The following TENM1 variants were observed in gnomAD, a reference collection of about 807,000 sequenced individuals.
The protein encoded by TENM1 is teneurin transmembrane protein 1, also known as teneurin-1.
A neutral mutation model predicts 174.8 loss-of-function variants in TENM1; 35 were observed. That is an observed-to-expected ratio of 0.20 (90% CI 0.15 to 0.27). The LOEUF is 0.27. TENM1 is among the 10% of genes least tolerant of loss of function. The probability of loss-of-function intolerance (pLI) is 1.00; values close to 1 mark genes in which losing one functional copy is unlikely to be tolerated. For missense variants in TENM1, 1,633 were observed against 2,130.1 expected, an observed-to-expected ratio of 0.77 and a Z score of 4.59; for synonymous variants, 781 against 798.7, an observed-to-expected ratio of 0.98 and a Z score of 0.37.
intron 3 of TENM1, among the ~76,000 whole-genome samples, chrX:124,877,605 A>C (rs2057228546): frequency 8.9e-6 from 1 of 111,830 alleles, no homozygotes; most frequent in Middle Eastern, 4.6e-3. Flanking sequence ...TATCTATCAG[A>C]GTGCATTCAA....
intron 23 of TENM1, among the ~76,000 whole-genome samples, chrX:124,447,208 G>A (rs1460819596): frequency 9.0e-6 from 1 of 111,510 alleles, no homozygotes; most frequent in East Asian, 2.8e-4. Flanking sequence ...ATGTTCTTAA[G>A]TACAGTCATG....
intron 23 of TENM1, among the ~76,000 whole-genome samples, chrX:124,445,608 T>C (rs2060957319): frequency 8.9e-6 from 1 of 112,486 alleles, no homozygotes; most frequent in Non-Finnish European, 1.9e-5. Flanking sequence ...TAAGCACTTA[T>C]GAAGCCCTGG....
At chrX:124,610,359 T>C (rs1203596905) in intron 11 of TENM1, among the ~76,000 whole-genome samples, 1 of 112,269 alleles carries the variant, frequency 8.9e-6, no homozygotes, top group Non-Finnish European at 1.9e-5. Context: ...CCTTTGAACA[T>C]ACGAAGTCAC....
chrX:124,645,107 A>G lies in TENM1; in HGVS notation c.1876+36T>C, dbSNP rs371103359. 98 of 1,175,024 alleles carry G rather than the reference A, an allele frequency of 8.3e-5. 2 individuals carry two copies. In the East Asian group the frequency reaches 1.2e-3, roughly 14 times the overall value. ...ACACCTTGGACAACTGAGTGAGAGA[A>G]AAGCCTGAAGCAATAGATTAAAATG... is the stretch of plus-strand genomic sequence containing the variant. On this transcript the variant is annotated intron_variant, in intron 10 of 31. Transcript: ENST00000422452.
At chrX:124,951,673 T>TATATATATATATATATATATA (rs767583231) in intron 1 of TENM1, among the ~76,000 whole-genome samples, 3 of 66,084 alleles carry the variant, frequency 4.5e-5, no homozygotes, top group African/African-American at 1.1e-4. Context: ...TATATATATA[T>TATATATATATATATATATATA]AACAATCAAT....
At chrX:125,147,312 A>C in the TENM1 span, among the ~76,000 whole-genome samples, 5 of 109,952 alleles carry the variant, frequency 4.5e-5, no homozygotes, top group African/African-American at 1.3e-4. Flanking sequence ...ATATGTGTGG[A>C]TATATTGTAC....
intron 17 of TENM1, among the ~76,000 whole-genome samples, chrX:124,521,149 T>A (rs1286465029): frequency 9.0e-6 from 1 of 111,606 alleles, no homozygotes; most frequent in Non-Finnish European, 1.9e-5. Flanking sequence ...ATGGGCTCCA[T>A]TAAGGGGTCT....
chrX:124,795,428 C>T (rs1285700511), intron 3 of TENM1, among the ~76,000 whole-genome samples: 1 of 112,132 alleles, frequency 8.9e-6, no homozygotes, highest in African/African-American at 3.2e-5. Context: ...ATAAGACTAA[C>T]CCATTATCTA....
chrX:124,747,013 A>G (rs2053935138), intron 3 of TENM1, among the ~76,000 whole-genome samples: 1 of 109,791 alleles, frequency 9.1e-6, no homozygotes, highest in Admixed American at 9.8e-5. Flanking sequence ...TTAGCTGGAC[A>G]TAGTGGCACG....
At chrX:125,200,650 T>TGAGA in the TENM1 span, among the ~76,000 whole-genome samples, 20 of 53,903 alleles carry the variant, frequency 3.7e-4, no homozygotes, top group Middle Eastern at 9.3e-3. Context: ...TGTGTGTGTG[T>TGAGA]GTGTGAGAGA....
chrX:124,930,210 T>C (rs1021914602), intron 1 of TENM1, among the ~76,000 whole-genome samples: 3 of 112,311 alleles, frequency 2.7e-5, no homozygotes. Flanking sequence ...ATTGACACTT[T>C]AAGAATGTAT....
intron 3 of TENM1, among the ~76,000 whole-genome samples, chrX:124,811,867 T>C (rs970112071): frequency 1.8e-5 from 2 of 111,100 alleles, no homozygotes; most frequent in Non-Finnish European, 3.8e-5. Flanking sequence ...TGAGACAACA[T>C]GGATGAGCCT....
At chrX:124,718,149 G>A (rs908379488) in intron 4 of TENM1, among the ~76,000 whole-genome samples, 3 of 112,013 alleles carry the variant, frequency 2.7e-5, no homozygotes, top group African/African-American at 9.7e-5. Context: ...TATCAGAAGA[G>A]CTAAGACATG....
intron 1 of TENM1, among the ~76,000 whole-genome samples, chrX:124,943,031 G>A (rs952194168): frequency 9.0e-6 from 1 of 111,307 alleles, no homozygotes; most frequent in African/African-American, 3.3e-5. Flanking sequence ...TCTTTGGTTC[G>A]AAGATTCTCT....
At chrX:124,520,779 T>C in exon 18 of TENM1, 1 of 1,142,900 alleles carries the variant, frequency 8.7e-7, no homozygotes, top group Non-Finnish European at 1.2e-6. Flanking sequence ...TTTCCTCCTG[T>C]ACAACCTGAA....
At chrX:124,977,983 A>T in the TENM1 span, among the ~76,000 whole-genome samples, 6,463 of 65,136 alleles carry the variant, frequency 0.099, 391 homozygotes, top group Non-Finnish European at 0.13. Context: ...AGAGAGAGAG[A>T]GAGAGAGAGA....
the TENM1 span, among the ~76,000 whole-genome samples, chrX:125,173,087 C>T: frequency 9.0e-6 from 1 of 111,215 alleles, no homozygotes; most frequent in Non-Finnish European, 1.9e-5. Flanking sequence ...ATGTGTCAAA[C>T]CCAAAGAAAC....
chrX:124,497,005 A>G lies in TENM1; in HGVS notation c.3695+11T>C, dbSNP rs200639116. On this transcript the variant is annotated intron_variant, in intron 20 of 31. Transcript: ENST00000422452. Reference sequence around the variant, plus strand: ...TGCTAAGCAAATATATAGAGATTAGAGAAGACTTACCTTAATTCCAAAATA... The same window carrying G: ...TGCTAAGCAAATATATAGAGATTAGGGAAGACTTACCTTAATTCCAAAATA... 240 of 1,206,048 alleles carry G rather than the reference A, an allele frequency of 2.0e-4. No individual in the cohort carries two copies. Among genetic ancestry groups the G allele is most frequent in the Non-Finnish European group, 2.5e-4 (220 of 891,998 alleles).
chrX:124,671,390 G>T (rs952284223), intron 6 of TENM1, among the ~76,000 whole-genome samples: 3 of 111,570 alleles, frequency 2.7e-5, no homozygotes, highest in African/African-American at 9.8e-5. Flanking sequence ...TTGCTTCAGG[G>T]TAGTTATATG....
Sources: allele counts gnomAD v4.1 joint callset (sites outside exome capture counted in the v4.1 genomes callset), GRCh38; gene constraint gnomAD v4.1.1; transcripts MANE v1.5; gene names NCBI Gene and HGNC (gene_info 2026-07-23, HGNC 2026-07-21).